PDS5B: variants seen among roughly 807,000 people sequenced by gnomAD.
PDS5B encodes sister chromatid cohesion protein PDS5 homolog B.
Under a neutral mutation model 184.1 loss-of-function variants are expected in PDS5B, and 51 were observed. The observed-to-expected ratio is 0.28, with a 90% confidence interval of 0.22 to 0.35. The LOEUF (loss-of-function observed/expected upper bound fraction) is 0.35. Among genes scored for constraint, PDS5B ranks in the 10% least tolerant of loss-of-function variants. The pLI is 1.00. For missense variants in PDS5B, 1,180 were observed against 1,723.3 expected (o/e 0.68, Z 5.58); for synonymous variants, 566 against 569.2 (o/e 0.99, Z 0.08).
chr13:32,698,239 C>T (rs1951763431), intron 15 of PDS5B, among the ~76,000 whole-genome samples: 1 of 150,946 alleles, frequency 6.6e-6, no homozygotes, highest in Non-Finnish European at 1.5e-5. Flanking sequence ...CCCCCTTTTG[C>T]TTTTTTTTTC....
chr13:32,745,853 A>T, intron 23 of PDS5B, 124 bp from the exon 24 acceptor site: 2 of 753,746 alleles, frequency 2.7e-6, no homozygotes, highest in Non-Finnish European at 4.3e-6. Context: ...GGACACAAAC[A>T]TTCAGATCAC....
intron 1 of PDS5B, among the ~76,000 whole-genome samples, chr13:32,621,677 T>G (rs1393825811): frequency 6.6e-6 from 1 of 152,214 alleles, no homozygotes; most frequent in Non-Finnish European, 1.5e-5. Flanking sequence ...ATTACATTTT[T>G]TTTTCTAGGA....
chr13:32,586,979 G>GCCCGCGCCCT (rs1436029017), intron 1 of PDS5B, among the ~76,000 whole-genome samples: 1 of 135,030 alleles, frequency 7.4e-6, no homozygotes, highest in Non-Finnish European at 1.6e-5. Context: ...CCGCCCGGCC[G>GCCCGCGCCCT]CCCGCGCCCT....
At chr13:32,610,229 TGGGAA>T (rs1326873048) in intron 1 of PDS5B, among the ~76,000 whole-genome samples, 2 of 152,202 alleles carry the variant, frequency 1.3e-5, no homozygotes, top group East Asian at 3.8e-4. Flanking sequence ...AGGTAATACT[TGGGAA>T]GTTAAGGGAG....
At chr13:32,632,445 C>G (rs77919190) in intron 1 of PDS5B, among the ~76,000 whole-genome samples, 1 of 151,984 alleles carries the variant, frequency 6.6e-6, no homozygotes, top group Non-Finnish European at 1.5e-5. Flanking sequence ...AAATGAAAAT[C>G]AAAAACATAA....
Position 32,629,906 on chromosome 13 carries a change from A to G in PDS5B, c.-19-18848A>G, listed in dbSNP as rs142225765. Reference sequence around the variant, plus strand: ...TAAAATCAGAGTTGATGATTTTCCAAAAACATCTTTCAGCAAATTCAGTGA... The same window carrying G: ...TAAAATCAGAGTTGATGATTTTCCAGAAACATCTTTCAGCAAATTCAGTGA... On this transcript the variant is annotated intron_variant, in intron 1 of 34. Transcript: ENST00000315596. 9.2e-3 allele frequency among the ~76,000 whole-genome samples: 1,403 copies of G among 152,346 alleles called. 60 individuals are homozygous for G. Among genetic ancestry groups the G allele is most frequent in the Admixed American group, 0.076 (1,158 of 15,300 alleles).
chr13:32,646,129 C>T (rs954905064), intron 1 of PDS5B, among the ~76,000 whole-genome samples: 22 of 152,026 alleles, frequency 1.4e-4, no homozygotes, highest in African/African-American at 5.3e-4. Flanking sequence ...CTCAGCTTCC[C>T]GGGTAGCTGG....
chr13:32,634,030 A>G (rs997803189), intron 1 of PDS5B, among the ~76,000 whole-genome samples: 1 of 152,108 alleles, frequency 6.6e-6, no homozygotes, highest in African/African-American at 2.4e-5. Context: ...TTTCTGTTAT[A>G]TCCTCTCTTC....
chr13:32,683,674 T>C (rs1388031012), intron 10 of PDS5B, among the ~76,000 whole-genome samples: 2 of 152,288 alleles, frequency 1.3e-5, no homozygotes, highest in East Asian at 3.9e-4. Context: ...AGGAGGCTGT[T>C]ATTACTCAAT....
Position 32,709,997 on chromosome 13 carries a change from T to G in PDS5B, c.2014T>G (p.Ser672Ala). The G allele has an allele frequency of 4.6e-6, 7 of 1,519,692 alleles. No homozygotes were observed. The highest frequency in any genetic ancestry group is 6.3e-6 in the Non-Finnish European group (7 of 1,118,590). The allele number at this position is 1,519,692 out of a possible 1,614,324, so 94.1% of individuals were successfully genotyped here. A position where few individuals can be genotyped will look rare whatever the true frequency, so the allele number is the denominator to read the frequency against. ...ATTTCATTCTGCTGAAACATTTGAA[T>G]CATTACTGGCTTGTCTGAAAATGGA... ...ISFHSAETFESLLACLKMDDE... is the reference protein window; with the variant it reads ...ISFHSAETFEALLACLKMDDE... Residue 672 changes from serine (S) to alanine (A), a missense_variant, in exon 19 of 35, where the codon TCA becomes GCA. Physicochemically the swap from Ser to Ala is moderately conservative, Grantham distance 99 (BLOSUM62 1). Coordinates refer to ENST00000315596, the MANE Select transcript of PDS5B (RefSeq NM_015032.4).
At chr13:32,628,512 CA>C (rs764563703) in intron 1 of PDS5B, among the ~76,000 whole-genome samples, 1 of 149,928 alleles carries the variant, frequency 6.7e-6, no homozygotes, top group African/African-American at 2.5e-5. Flanking sequence ...CGTGCCACTG[CA>C]CTCCAGTCTG....
intron 6 of PDS5B, among the ~76,000 whole-genome samples, chr13:32,666,462 A>C (rs1019403245): frequency 6.6e-6 from 1 of 152,182 alleles, no homozygotes; most frequent in African/African-American, 2.4e-5. Context: ...GAAGATTTGT[A>C]ATGTTCCCAG....
chr13:32,663,917 G>A (rs1950717761), intron 6 of PDS5B, among the ~76,000 whole-genome samples: 1 of 152,126 alleles, frequency 6.6e-6, no homozygotes. Context: ...ATCACTCTGT[G>A]TGCCTTTGTG....
chr13:32,717,113 A>G (rs1362751526), intron 19 of PDS5B, among the ~76,000 whole-genome samples: 1 of 151,516 alleles, frequency 6.6e-6, no homozygotes, highest in Non-Finnish European at 1.5e-5. Flanking sequence ...CCGGGAGGTG[A>G]GGGGCGCCTC....
Position 32,760,472 on chromosome 13 carries a change from T to C in PDS5B, c.3373-103T>C, listed in dbSNP as rs1954345875. ...TTAAGGATAGACACATTTTTCATGA[T>C]TTGTAAGTAAATACTTTGAGAGAGA... On this transcript the variant is annotated intron_variant, in intron 29 of 34. Coordinates refer to ENST00000315596, the MANE Select transcript of PDS5B (RefSeq NM_015032.4). The C allele has an allele frequency of 7.4e-6, 8 of 1,085,550 alleles. No individual in the cohort carries two copies. In the South Asian group the frequency reaches 1.1e-4, roughly 15 times the overall value. The allele number at this position is 1,085,550 out of a possible 1,614,324, so 67.2% of individuals were successfully genotyped here.
intron 1 of PDS5B, 83 bp from the exon 2 acceptor site, chr13:32,648,671 T>A (rs929824271): frequency 1.6e-6 from 1 of 619,736 alleles, no homozygotes; most frequent in East Asian, 2.7e-5. Context: ...AAATTTTGGT[T>A]GGTGGGGAAG....
intron 2 of PDS5B, 52 bp from the exon 3 acceptor site, chr13:32,651,752 A>G: frequency 9.3e-7 from 1 of 1,073,594 alleles, no homozygotes; most frequent in Non-Finnish European, 1.4e-6. Flanking sequence ...ATTTCACATG[A>G]CTGTAGTTTT....
At chr13:32,741,036 A>AT in intron 21 of PDS5B, 44 bp from the exon 22 acceptor site, 1 of 1,085,480 alleles carries the variant, frequency 9.2e-7, no homozygotes, top group Non-Finnish European at 1.4e-6. Context: ...TCATATTTAC[A>AT]TTTTAAAGTC....
Position 32,694,833 on chromosome 13 carries a change from A to G in PDS5B, c.1551+529A>G, listed in dbSNP as rs548283807. On this transcript the variant is annotated intron_variant, in intron 14 of 34. Transcript: ENST00000315596. The stretch of plus-strand genomic sequence containing the variant: ...ATTTTATCTTTTATCAATCATTTAG[A>G]ATGATTCTAGGGTTTTTTTTTTTTC... Among the ~76,000 whole-genome samples, 20 of 143,088 alleles carry G rather than the reference A, an allele frequency of 1.4e-4. 1 individual carries two copies. The South Asian group carries it at 2.4e-3, about 17-fold the overall frequency. 93.9% of individuals were successfully genotyped at this position (143,088 alleles called of 152,430 possible).
Sources: allele counts gnomAD v4.1 joint callset (sites outside exome capture counted in the v4.1 genomes callset), GRCh38; gene constraint gnomAD v4.1.1; transcripts MANE v1.5; gene names NCBI Gene and HGNC (gene_info 2026-07-23, HGNC 2026-07-21).